Variants in ZDHHC3 observed in about 807,000 individuals in gnomAD.
The protein encoded by ZDHHC3 is zDHHC palmitoyltransferase 3.
A neutral mutation model predicts 30.6 loss-of-function variants in ZDHHC3; 9 were observed. The ratio of observed to expected loss-of-function variants is 0.29; its 90% confidence interval spans 0.18 to 0.51. ZDHHC3 has a LOEUF of 0.51. Ranked by LOEUF, ZDHHC3 falls within the 20% of genes least tolerant of loss-of-function variation. The probability of loss-of-function intolerance (pLI) is 0.97; values close to 1 mark genes in which losing one functional copy is unlikely to be tolerated. For synonymous variants in ZDHHC3, 136 were observed against 140.2 expected (o/e 0.97, Z 0.21); for missense variants, 246 against 384.2 (o/e 0.64, Z 3.01).
At position 44,929,311 on chromosome 3, in the gene ZDHHC3, C is replaced by A. The variant is rs1701281849; in HGVS notation, c.736G>T (p.Glu246Ter). Residue 246 changes from glutamate to a stop codon, truncating the protein, a stop_gained, in exon 6 of 7, where the codon GAG becomes TAG. Coordinates refer to ENST00000424952, the MANE Select transcript of ZDHHC3 (RefSeq NM_001135179.2). LOFTEE classifies it high-confidence loss of function. ...GTQVHSICTD[E>*]TGIEQLKKEE... ...GGGCAGAGCCACCTGCTTACCGTCT[C>A]ATCTGTGCAGATGGAGTGCACCTGG... 2 of 1,613,940 alleles carry A rather than the reference C, an allele frequency of 1.2e-6. No homozygotes were observed. Among genetic ancestry groups the A allele is most frequent in the Non-Finnish European group, 1.7e-6 (2 of 1,179,918 alleles).
chr3:44,958,024 G>A (rs958271855), intron 2 of ZDHHC3, among the ~76,000 whole-genome samples: 9 of 152,154 alleles, frequency 5.9e-5, no homozygotes, highest in Non-Finnish European at 4.4e-5. Flanking sequence ...TGTGTTTGGG[G>A]ACACTTAGGA....
chr3:44,933,234 T>A (rs1446507682), intron 4 of ZDHHC3, 35 bp from the exon 5 acceptor site: 3 of 1,603,208 alleles, frequency 1.9e-6, no homozygotes, highest in East Asian at 2.2e-5. Flanking sequence ...ACCATTGTTG[T>A]GAGAATCCTC....
At chr3:44,963,063 GC>G (rs1704619152) in intron 1 of ZDHHC3, among the ~76,000 whole-genome samples, 1 of 152,168 alleles carries the variant, frequency 6.6e-6, no homozygotes, top group Admixed American at 6.5e-5. Flanking sequence ...GTGATCCCAG[GC>G]CCACTTCTTA....
Position 44,917,750 on chromosome 3 carries a change from G to A in ZDHHC3, c.*8939C>T, listed in dbSNP as rs878910363. 4.7e-5 allele frequency: 47 copies of A among 1,000,146 alleles called. 1 individual carries two copies. The South Asian group carries it at 7.0e-4, about 15-fold the overall frequency. 62.0% of individuals were successfully genotyped at this position (1,000,146 alleles called of 1,614,324 possible). On this transcript the variant is annotated 3_prime_UTR_variant, in exon 7 of 7. Coordinates refer to ENST00000424952, the MANE Select transcript of ZDHHC3 (RefSeq NM_001135179.2). The stretch of plus-strand genomic sequence containing the variant: ...TGGCCCAACATGGAGAGAAGAAGGA[G>A]GGGAAATGGCAAGGCCAAGCGAGTG...
Position 44,976,144 on chromosome 3 carries a change from C to G in ZDHHC3, c.-236G>C. 1 of 685,452 alleles carries G rather than the reference C, an allele frequency of 1.5e-6. No individual in the cohort carries two copies. The highest frequency in any genetic ancestry group is 2.1e-6 in the Non-Finnish European group (1 of 472,658). The allele number at this position is 685,452 out of a possible 1,614,324, so 42.5% of individuals were successfully genotyped here. ...GAGCTCTCCCGGCAGTGGCGGCGGC[C>G]GCGGCTGCAGGAGCGGCCGCCGCGC... On this transcript the variant is annotated 5_prime_UTR_variant, in exon 1 of 7. Coordinates refer to ENST00000424952, the MANE Select transcript of ZDHHC3 (RefSeq NM_001135179.2).
Position 44,959,873 on chromosome 3 carries a change from C to T in ZDHHC3, c.-24-413G>A, listed in dbSNP as rs535099701. On this transcript the variant is annotated intron_variant, in intron 1 of 6. Transcript: ENST00000424952. This position sits in a 1 kb window ranked among gnomAD's most constrained non-coding sequence, Gnocchi z 4.3. ...CCACCTCGGGCTCAAGGGATCCTCC[C>T]ACCTCAACCTCCCAAGTACCTAGAA... is the stretch of plus-strand genomic sequence containing the variant. Among the ~76,000 whole-genome samples the T allele has an allele frequency of 4.1e-4, 63 of 152,270 alleles. No homozygotes were observed. Among genetic ancestry groups the T allele is most frequent in the African/African-American group, 1.4e-3 (59 of 41,538 alleles).
Position 44,959,402 on chromosome 3 carries a change from A to G in ZDHHC3, c.35T>C (p.Ile12Thr). 2 of 1,614,156 alleles carry G rather than the reference A, an allele frequency of 1.2e-6. No homozygotes were observed. The highest frequency in any genetic ancestry group is 1.7e-6 in the Non-Finnish European group (2 of 1,179,992). ...CTGGAGGTATTCTGGTTTCCGCTCAATGTTTCGGAAGTGGTGGGTGGGGAT... is the reference window on the plus strand; with the variant it reads ...CTGGAGGTATTCTGGTTTCCGCTCAGTGTTTCGGAAGTGGTGGGTGGGGAT... ...MLIPTHHFRN[I>T]ERKPEYLQPE... Residue 12 changes from isoleucine (I) to threonine (T), a missense_variant, in exon 2 of 7, where the codon ATT becomes ACT. Coordinates refer to ENST00000424952, the MANE Select transcript of ZDHHC3 (RefSeq NM_001135179.2). This position sits in a 1 kb window ranked among gnomAD's most constrained non-coding sequence, Gnocchi z 4.3.
chr3:44,949,822 C>A (rs1350911616), intron 2 of ZDHHC3, among the ~76,000 whole-genome samples: 1 of 152,080 alleles, frequency 6.6e-6, no homozygotes, highest in Non-Finnish European at 1.5e-5. Flanking sequence ...GCCCAAAGGG[C>A]CTTATTTTTC....
chr3:44,945,351 C>T, intron 2 of ZDHHC3, 59 bp from the exon 3 acceptor site: 1 of 1,609,256 alleles, frequency 6.2e-7, no homozygotes, highest in South Asian at 1.1e-5. Context: ...CTCTAACATT[C>T]TACAGTGGGG....
intron 1 of ZDHHC3, among the ~76,000 whole-genome samples, chr3:44,970,391 A>G (rs1442912230): frequency 6.6e-6 from 1 of 152,216 alleles, no homozygotes; most frequent in African/African-American, 2.4e-5. Flanking sequence ...CTTGGAATCA[A>G]GAGGCCAGAG....
intron 3 of ZDHHC3, among the ~76,000 whole-genome samples, chr3:44,935,658 C>A (rs896492285): frequency 6.6e-6 from 1 of 152,202 alleles, no homozygotes; most frequent in Non-Finnish European, 1.5e-5. Flanking sequence ...AATGTACAGC[C>A]AATCACTAAT....
rs1700539980 is a variant in ZDHHC3 at position 44,920,809 on chromosome 3, G to C, written c.*5880C>G. On this transcript the variant is annotated 3_prime_UTR_variant, in exon 7 of 7. Coordinates refer to ENST00000424952, the MANE Select transcript of ZDHHC3 (RefSeq NM_001135179.2). ...CTCACCAACCTCATAAAGTATTCCA[G>C]ACAGAGCCTGGCCTGTCTACCAGAG... The C allele has an allele frequency of 4.1e-6, 4 of 985,404 alleles. No individual in the cohort carries two copies. Among genetic ancestry groups the C allele is most frequent in the African/African-American group, 1.7e-5 (1 of 57,330 alleles). The allele number at this position is 985,404 out of a possible 1,614,324, so 61.0% of individuals were successfully genotyped here. A position where few individuals can be genotyped will look rare whatever the true frequency, so the allele number is the denominator to read the frequency against.
rs532071018 is a variant in ZDHHC3, at chr3:44,959,541, G to C, written c.-24-81C>G. The C allele has an allele frequency of 3.1e-6, 4 of 1,271,278 alleles. No homozygotes were observed. In the East Asian group the frequency reaches 9.4e-5, roughly 30 times the overall value. 78.7% of individuals were successfully genotyped at this position (1,271,278 alleles called of 1,614,324 possible). ...TTTGACAAAATTGCTCCCATAGTGAGTTGTGATTACTTATCTGCAACCCCT... is the reference window on the plus strand; with the variant it reads ...TTTGACAAAATTGCTCCCATAGTGACTTGTGATTACTTATCTGCAACCCCT... On this transcript the variant is annotated intron_variant, in intron 1 of 6. Transcript: ENST00000424952. This position sits in a 1 kb window ranked among gnomAD's most constrained non-coding sequence, Gnocchi z 4.3.
chr3:44,958,301 C>T (rs543916024), intron 2 of ZDHHC3, among the ~76,000 whole-genome samples: 26 of 152,314 alleles, frequency 1.7e-4, no homozygotes, highest in African/African-American at 6.3e-4. Flanking sequence ...TTATCATCAT[C>T]ACTACTGCAC....
intron 1 of ZDHHC3, among the ~76,000 whole-genome samples, chr3:44,975,052 C>T (rs1323068155): frequency 3.7e-5 from 5 of 133,816 alleles, no homozygotes; most frequent in Admixed American, 7.5e-5. Flanking sequence ...CTGATAAATA[C>T]CATTTTTTTT....
chr3:44,950,478 A>G (rs987517190), intron 2 of ZDHHC3, among the ~76,000 whole-genome samples: 3 of 152,148 alleles, frequency 2.0e-5, no homozygotes, highest in Non-Finnish European at 4.4e-5. Context: ...TTTATTCCAG[A>G]CCTTGAGTAG....
chr3:44,933,285 C>T, intron 4 of ZDHHC3, 86 bp from the exon 5 acceptor site: 3 of 1,293,664 alleles, frequency 2.3e-6, no homozygotes, highest in Non-Finnish European at 2.2e-6. Context: ...TCAGAATTTG[C>T]CACTCAGGAA....
chr3:44,929,223 T>G, intron 6 of ZDHHC3, 83 bp downstream of exon 6: 4 of 1,543,062 alleles, frequency 2.6e-6, no homozygotes, highest in Non-Finnish European at 3.5e-6. Flanking sequence ...CCAGTCTGAC[T>G]GTGAGCAGCT....
At chr3:44,962,951 G>A (rs1704610045) in intron 1 of ZDHHC3, among the ~76,000 whole-genome samples, 2 of 152,230 alleles carry the variant, frequency 1.3e-5, no homozygotes, top group Admixed American at 1.3e-4. Context: ...CAACTGCTAA[G>A]CTCTTCACCA....
Sources: gnomAD v4.1 joint callset for allele counts (sites outside exome capture counted in the v4.1 genomes callset) on GRCh38, gnomAD v4.1.1 for gene constraint, Gnocchi (gnomAD v3.1) non-coding constraint, MANE v1.5 for transcripts, NCBI Gene and HGNC (gene_info 2026-07-23, HGNC 2026-07-21) for gene names.